The following RPS6KA2 variants were observed in gnomAD, a reference collection of about 807,000 sequenced individuals.
The protein encoded by RPS6KA2 is ribosomal protein S6 kinase alpha-2.
A neutral mutation model predicts 91.8 loss-of-function variants in RPS6KA2; 42 were observed. The ratio of observed to expected loss-of-function variants is 0.46; its 90% CI spans 0.36 to 0.59. The LOEUF is 0.59. Among genes scored for constraint, RPS6KA2 ranks in the 20% least tolerant of loss-of-function variants. The probability of loss-of-function intolerance (pLI) is 0.00; values close to 1 mark genes in which losing one functional copy is unlikely to be tolerated. For synonymous variants in RPS6KA2, 414 were observed against 393.6 expected, an observed-to-expected ratio of 1.05 and a Z score of -0.61; for missense variants, 798 against 978.5, an observed-to-expected ratio of 0.82 and a Z score of 2.46.
Position 166,500,847 on chromosome 6 carries a change from G to A in RPS6KA2, c.604+40C>T, listed in dbSNP as rs996633596. The stretch of plus-strand genomic sequence containing the variant: ...GGTGGTCCCCAAAGGTACCAGGGCT[G>A]AGATGAAGCCATGGAGGGGGCCTGC... On this transcript the variant is annotated intron_variant, in intron 7 of 20. Coordinates refer to ENST00000265678, the MANE Select transcript of RPS6KA2 (RefSeq NM_021135.6). The surrounding 1 kb of genome is among the most constrained non-coding windows in gnomAD (Gnocchi z 4.3). 3 of 1,586,736 alleles carry A rather than the reference G, an allele frequency of 1.9e-6. No individual in the cohort carries two copies. In the African/African-American group the frequency reaches 4.0e-5, roughly 21 times the overall value.
chr6:166,797,174 C>T (rs577336649), intron 2 of RPS6KA2, among the ~76,000 whole-genome samples: 2 of 152,358 alleles, frequency 1.3e-5, no homozygotes, highest in South Asian at 4.1e-4. Context: ...GTGTCTCCTT[C>T]ATCAGGCACT....
chr6:166,622,683 G>C (rs924947182), intron 1 of RPS6KA2, among the ~76,000 whole-genome samples: 2 of 152,030 alleles, frequency 1.3e-5, no homozygotes, highest in African/African-American at 4.8e-5. Flanking sequence ...TCCTTTATTA[G>C]GATACCATGT....
At chr6:166,687,402 T>C (rs1374397562) in intron 2 of RPS6KA2, among the ~76,000 whole-genome samples, 2 of 152,190 alleles carry the variant, frequency 1.3e-5, no homozygotes, top group African/African-American at 4.8e-5. Context: ...ATATTCACTA[T>C]TGAAAGAACA....
intron 10 of RPS6KA2, among the ~76,000 whole-genome samples, chr6:166,473,517 G>C (rs1583180136): frequency 6.6e-6 from 1 of 152,098 alleles, no homozygotes; most frequent in Admixed American, 6.6e-5. Context: ...CACCGATTCT[G>C]TCCAGCTCTT....
intron 2 of RPS6KA2, among the ~76,000 whole-genome samples, chr6:166,795,064 G>T (rs1429739513): frequency 2.0e-5 from 3 of 151,390 alleles, no homozygotes; most frequent in African/African-American, 4.8e-5. Context: ...CATTCTAAAA[G>T]AAATGTTTAT....
At chr6:166,505,779 G>A (rs563371274) in intron 5 of RPS6KA2, among the ~76,000 whole-genome samples, 110 of 152,312 alleles carry the variant, frequency 7.2e-4, no homozygotes, top group African/African-American at 2.6e-3. Flanking sequence ...TCCATTCCAC[G>A]CTTGGCCAGC....
At chr6:166,743,351 T>G (rs1039077171) in intron 2 of RPS6KA2, among the ~76,000 whole-genome samples, 2 of 152,170 alleles carry the variant, frequency 1.3e-5, no homozygotes, top group Admixed American at 1.3e-4. Flanking sequence ...AACACTGCCC[T>G]CGTGAACATG....
Position 166,494,569 on chromosome 6 carries a change from T to C in RPS6KA2, c.748-3828A>G, listed in dbSNP as rs1416124416. Among the ~76,000 whole-genome samples the C allele has an allele frequency of 6.6e-6, 1 of 152,220 alleles. No individual in the cohort carries two copies. The highest frequency in any genetic ancestry group is 6.5e-5 in the Admixed American group (1 of 15,288). Reference sequence around the variant, plus strand: ...ACAGCCCAAATATCCTTCTAGAAACTGGCTCCAGCCTGGCGTAGAGGAGTG... The same window carrying C: ...ACAGCCCAAATATCCTTCTAGAAACCGGCTCCAGCCTGGCGTAGAGGAGTG... On this transcript the variant is annotated intron_variant, in intron 8 of 20. Coordinates refer to ENST00000265678, the MANE Select transcript of RPS6KA2 (RefSeq NM_021135.6). The surrounding 1 kb of genome is among the most constrained non-coding windows in gnomAD (Gnocchi z 5.1).
intron 2 of RPS6KA2, among the ~76,000 whole-genome samples, chr6:166,815,445 T>A (rs551287263): frequency 4.6e-5 from 7 of 152,292 alleles, no homozygotes; most frequent in Middle Eastern, 3.4e-3. Flanking sequence ...TGATTTATAG[T>A]CACTAAAATA....
intron 3 of RPS6KA2, among the ~76,000 whole-genome samples, chr6:166,525,162 C>T (rs993484449): frequency 6.6e-6 from 1 of 152,170 alleles, no homozygotes; most frequent in African/African-American, 2.4e-5. Flanking sequence ...GTTGGGAACA[C>T]GTTTCTTTGC....
At position 166,554,704 on chromosome 6, in the gene RPS6KA2, G is replaced by C. The variant is rs1316136177; in HGVS notation, c.100-15920C>G. ...GGCAAAACCAACCTGCTGTCTGAAAGGGTTTTGTTTTTTTGTTTTTTTCTA... is the reference window on the plus strand; with the variant it reads ...GGCAAAACCAACCTGCTGTCTGAAACGGTTTTGTTTTTTTGTTTTTTTCTA... On this transcript the variant is annotated intron_variant, in intron 1 of 20. Transcript: ENST00000265678. The surrounding 1 kb of genome is among the most constrained non-coding windows in gnomAD (Gnocchi z 4.3). 3.3e-5 allele frequency among the ~76,000 whole-genome samples: 5 copies of C among 152,192 alleles called. No homozygotes were observed. The highest frequency in any genetic ancestry group is 3.3e-4 in the Admixed American group (5 of 15,280).
intron 1 of RPS6KA2, among the ~76,000 whole-genome samples, chr6:166,560,377 C>T (rs946506990): frequency 6.6e-6 from 1 of 152,160 alleles, no homozygotes; most frequent in African/African-American, 2.4e-5. Flanking sequence ...TAAATAATAA[C>T]CAAACACAAT....
chr6:166,710,506 GTGTGGTGT>G (rs1383256061), intron 2 of RPS6KA2, among the ~76,000 whole-genome samples: 41 of 142,448 alleles, frequency 2.9e-4, no homozygotes, highest in African/African-American at 9.3e-4. Context: ...GTGTGTGTGT[GTGTGGTGT>G]GTGTGTGTTA....
chr6:166,714,210 T>A (rs1398118284), intron 2 of RPS6KA2, among the ~76,000 whole-genome samples: 1 of 152,212 alleles, frequency 6.6e-6, no homozygotes, highest in Non-Finnish European at 1.5e-5. Flanking sequence ...GTTCTTTCTG[T>A]GCTACTGGTT....
chr6:166,646,874 G>A (rs528541124), intron 2 of RPS6KA2, among the ~76,000 whole-genome samples: 13 of 152,284 alleles, frequency 8.5e-5, no homozygotes, highest in African/African-American at 2.4e-4. Context: ...TTCTCAGGCC[G>A]TGGTGGGTGT....
intron 11 of RPS6KA2, among the ~76,000 whole-genome samples, chr6:166,468,270 G>C (rs116951827): frequency 6.2e-4 from 94 of 152,346 alleles, no homozygotes; most frequent in Non-Finnish European, 9.4e-4. Context: ...TCATTTCTTG[G>C]AGGTCCTGGT....
At chr6:166,472,380 G>A (rs533554036) in intron 10 of RPS6KA2, among the ~76,000 whole-genome samples, 2 of 152,150 alleles carry the variant, frequency 1.3e-5, no homozygotes, top group African/African-American at 2.4e-5. Context: ...CTATGTAACT[G>A]GTATATGCTG....
Position 166,627,249 on chromosome 6 carries a change from A to T in RPS6KA2, c.-230T>A. 1 of 1,015,148 alleles carries T rather than the reference A, an allele frequency of 9.9e-7. No individual in the cohort carries two copies. The highest frequency in any genetic ancestry group is 1.2e-6 in the Non-Finnish European group (1 of 850,008). The allele number at this position is 1,015,148 out of a possible 1,614,324, so 62.9% of individuals were successfully genotyped here. A position where few individuals can be genotyped will look rare whatever the true frequency, so the allele number is the denominator to read the frequency against. ...CGCCTCCTTCTCCGCCTCCCCTGCG[A>T]GTACCAGCGCCGGCCACGCGCCACG... On this transcript the variant is annotated 5_prime_UTR_variant, in exon 1 of 21. Transcript: ENST00000265678.
At chr6:166,722,390 C>T (rs114696029) in intron 2 of RPS6KA2, among the ~76,000 whole-genome samples, 2,898 of 152,258 alleles carry the variant, frequency 0.019, 95 homozygotes, top group African/African-American at 0.066. Flanking sequence ...ATGGAGGAGC[C>T]GCAGGGGGTG....
Sources: gnomAD v4.1 joint callset for allele counts (sites outside exome capture counted in the v4.1 genomes callset) on GRCh38, gnomAD v4.1.1 for gene constraint, Gnocchi (gnomAD v3.1) non-coding constraint, MANE v1.5 for transcripts, NCBI Gene and HGNC (gene_info 2026-07-23, HGNC 2026-07-21) for gene names.